TRPC4AP: variants seen among roughly 807,000 people sequenced by gnomAD.
TRPC4AP encodes transient receptor potential cation channel subfamily C member 4 associated protein, also known as short transient receptor potential channel 4-associated protein.
In TRPC4AP, 45 loss-of-function variants were observed where a neutral mutation model predicts 99.0. That is an observed-to-expected ratio of 0.45 (90% CI 0.36 to 0.58). TRPC4AP has a LOEUF of 0.58. Ranked by LOEUF, TRPC4AP falls within the 20% of genes least tolerant of loss-of-function variation. TRPC4AP has a pLI of 0.00. For missense variants in TRPC4AP, 879 were observed against 985.3 expected, an observed-to-expected ratio of 0.89 and a Z score of 1.44; for synonymous variants, 408 against 385.8, an observed-to-expected ratio of 1.06 and a Z score of -0.67.
At chr20:35,078,269 G>T (rs1347423553) in intron 1 of TRPC4AP, 95 bp from the exon 2 acceptor site, 1 of 1,347,966 alleles carries the variant, frequency 7.4e-7, no homozygotes, top group Non-Finnish European at 1.0e-6. Context: ...ACCCACCCAG[G>T]ACAGTTACAA....
At chr20:35,033,337 G>A (rs1384702385) in intron 8 of TRPC4AP, among the ~76,000 whole-genome samples, 1 of 152,176 alleles carries the variant, frequency 6.6e-6, no homozygotes, top group South Asian at 2.1e-4. Flanking sequence ...AAAGACTGGT[G>A]AAGATTTTCA....
chr20:35,081,324 G>T (rs893923431), intron 1 of TRPC4AP, among the ~76,000 whole-genome samples: 2 of 151,488 alleles, frequency 1.3e-5, no homozygotes, highest in African/African-American at 4.9e-5. Context: ...ACCAGCCTAG[G>T]CAACACAGTG....
chr20:35,031,897 A>G (rs556166385), intron 8 of TRPC4AP, among the ~76,000 whole-genome samples: 250 of 152,114 alleles, frequency 1.6e-3, no homozygotes, highest in Non-Finnish European at 3.1e-3. Flanking sequence ...CTACTTAAAA[A>G]AAAGTTTTTT....
At chr20:35,080,851 C>T (rs1372248373) in intron 1 of TRPC4AP, among the ~76,000 whole-genome samples, 1 of 150,048 alleles carries the variant, frequency 6.7e-6, no homozygotes, top group Non-Finnish European at 1.5e-5. Flanking sequence ...CCAACTTGTA[C>T]ACTTTAAAAG....
chr20:35,048,313 G>C (rs939823805), intron 6 of TRPC4AP, among the ~76,000 whole-genome samples: 2 of 150,692 alleles, frequency 1.3e-5, no homozygotes, highest in Non-Finnish European at 2.9e-5. Flanking sequence ...CCGGGTTCAA[G>C]CAATTCTCAT....
chr20:35,078,958 C>T (rs1000117125), intron 1 of TRPC4AP, among the ~76,000 whole-genome samples: 6 of 152,068 alleles, frequency 3.9e-5, no homozygotes, highest in Non-Finnish European at 7.4e-5. Flanking sequence ...CCCAGCTACT[C>T]GGGAGGCTGA....
chr20:35,072,570 T>C (rs1326701776), intron 2 of TRPC4AP, among the ~76,000 whole-genome samples: 1 of 152,248 alleles, frequency 6.6e-6, no homozygotes, highest in Non-Finnish European at 1.5e-5. Flanking sequence ...TTTGTCAGGT[T>C]TGTCAAAGAT....
At chr20:35,054,369 T>C (rs923342328) in intron 5 of TRPC4AP, among the ~76,000 whole-genome samples, 8 of 152,236 alleles carry the variant, frequency 5.3e-5, no homozygotes, top group African/African-American at 1.9e-4. Context: ...TCACATCTAC[T>C]ATCTCATTTC....
chr20:35,044,703 G>T lies in TRPC4AP; in HGVS notation c.667C>A (p.Arg223=). The part of the protein sequence containing the change: ...DILGVKKEMI[R]LDEVPNLSSL... ...CTCAGATTGGGGACTTCATCTAGTC[G>T]GATCATTTCCTACAGAAGACAAAAA... The change falls in exon 7 of 19, where the codon CGA becomes AGA. Residue 223 remains arginine (R), a synonymous_variant. Transcript: ENST00000252015. 1 of 1,613,888 alleles carries T rather than the reference G, an allele frequency of 6.2e-7. No homozygotes were observed. The highest frequency in any genetic ancestry group is 1.1e-5 in the South Asian group (1 of 91,068).
intron 2 of TRPC4AP, among the ~76,000 whole-genome samples, chr20:35,072,903 T>C (rs932014237): frequency 3.3e-5 from 5 of 152,244 alleles, no homozygotes; most frequent in African/African-American, 1.2e-4. Context: ...TATTGATTCT[T>C]CCTATTCATG....
At position 35,035,260 on chromosome 20, in the gene TRPC4AP, G is replaced by A. The variant is rs1218341268; in HGVS notation, c.914C>T (p.Ala305Val). The A allele has an allele frequency of 1.2e-6, 2 of 1,613,880 alleles. No individual in the cohort carries two copies. Among genetic ancestry groups the A allele is most frequent in the South Asian group, 1.1e-5 (1 of 91,062 alleles). Residue 305 changes from alanine to valine, a missense_variant, in exon 8 of 19, where the codon GCG becomes GTG. Physicochemically the swap from Ala to Val is moderately conservative, Grantham distance 64. Transcript: ENST00000252015. The part of the protein sequence containing the change: ...PGFVERLCKL[A>V]TRKVSESTGT... The stretch of plus-strand genomic sequence containing the variant: ...CGTTGACTCTGACACCTTTCGAGTC[G>A]CCAGTTTGCAAAGCCGCTCAACAAA...
At chr20:35,027,980 C>T (rs2083070822) in intron 8 of TRPC4AP, among the ~76,000 whole-genome samples, 1 of 151,958 alleles carries the variant, frequency 6.6e-6, no homozygotes, top group African/African-American at 2.4e-5. Context: ...TACAGATTTT[C>T]TCTACTGTTT....
At chr20:35,064,824 C>A (rs376580175) in intron 3 of TRPC4AP, among the ~76,000 whole-genome samples, 1 of 152,200 alleles carries the variant, frequency 6.6e-6, no homozygotes, top group Non-Finnish European at 1.5e-5. Context: ...ATAACTTTAA[C>A]ATTATATTAA....
chr20:35,087,823 A>G (rs2084930296), intron 1 of TRPC4AP, among the ~76,000 whole-genome samples: 1 of 152,252 alleles, frequency 6.6e-6, no homozygotes, highest in Non-Finnish European at 1.5e-5. Flanking sequence ...AAGAAAATAA[A>G]GCAAACTAAA....
intron 3 of TRPC4AP, among the ~76,000 whole-genome samples, chr20:35,060,585 CAAAAAAAAA>C (rs35143678): frequency 8.5e-5 from 6 of 70,378 alleles, no homozygotes; most frequent in East Asian, 4.3e-4. Flanking sequence ...ACCTTGTCTC[CAAAAAAAAA>C]AAAAAAAAAA....
intron 2 of TRPC4AP, among the ~76,000 whole-genome samples, chr20:35,076,900 G>A (rs912487718): frequency 2.6e-5 from 4 of 152,102 alleles, no homozygotes; most frequent in South Asian, 2.1e-4. Flanking sequence ...CTTGAGCTGC[G>A]GTGGGCTCCA....
chr20:35,086,579 A>G lies in TRPC4AP; in HGVS notation c.168+6035T>C, dbSNP rs778885158. The stretch of plus-strand genomic sequence containing the variant: ...TGTGTGTGTGTGTGTGTGTGTGTAT[A>G]TATATATGAATAAGACTTTATCCTA... On this transcript the variant is annotated intron_variant, in intron 1 of 18. Transcript: ENST00000252015. Among the ~76,000 whole-genome samples, 35 of 129,248 alleles carry G rather than the reference A, an allele frequency of 2.7e-4. 1 individual carries two copies. Among genetic ancestry groups the G allele is most frequent in the African/African-American group, 8.2e-4 (29 of 35,426 alleles). 84.8% of individuals were successfully genotyped at this position (129,248 alleles called of 152,430 possible).
chr20:35,003,108 C>A lies in TRPC4AP; in HGVS notation c.*38G>T. 1 of 1,612,186 alleles carries A rather than the reference C, an allele frequency of 6.2e-7. No homozygotes were observed. The highest frequency in any genetic ancestry group is 1.1e-5 in the South Asian group (1 of 90,904). ...GTGTGGCATCGTACCCACGCTCACC[C>A]ACACTGGCCCAGCAGCCTCCCGAGG... On this transcript the variant is annotated 3_prime_UTR_variant, in exon 19 of 19. Transcript: ENST00000252015.
intron 8 of TRPC4AP, among the ~76,000 whole-genome samples, chr20:35,023,572 G>A (rs2082944462): frequency 6.6e-6 from 1 of 152,126 alleles, no homozygotes; most frequent in African/African-American, 2.4e-5. Flanking sequence ...TTATTCTCCT[G>A]TACCTTGGGC....
Sources: allele counts gnomAD v4.1 joint callset (sites outside exome capture counted in the v4.1 genomes callset), GRCh38; gene constraint gnomAD v4.1.1; transcripts MANE v1.5; gene names NCBI Gene and HGNC (gene_info 2026-07-23, HGNC 2026-07-21).